RNASEH2A: variants seen among roughly 807,000 people sequenced by gnomAD.
RNASEH2A encodes the protein RNase H(35).
In RNASEH2A, 30 loss-of-function variants were observed where a neutral mutation model predicts 32.7. That is an observed-to-expected ratio of 0.92 (90% CI 0.69 to 1.25). The LOEUF (loss-of-function observed/expected upper bound fraction) is 1.25, where lower values mean the gene tolerates loss of function less well. Ranked by LOEUF, RNASEH2A falls within the 50% of genes most tolerant of loss-of-function variation. RNASEH2A has a pLI of 0.00. For missense variants in RNASEH2A, 409 were observed against 398.1 expected, an observed-to-expected ratio of 1.03 and a Z score of -0.23; for synonymous variants, 147 against 165.4, an observed-to-expected ratio of 0.89 and a Z score of 0.86.
intron 5 of RNASEH2A, 46 bp downstream of exon 5, chr19:12,810,254 T>C: frequency 1.2e-6 from 2 of 1,614,126 alleles, no homozygotes; most frequent in Non-Finnish European, 1.7e-6. Flanking sequence ...TCCCACTATA[T>C]AGGGGCCAGG....
At position 12,806,798 on chromosome 19, in the gene RNASEH2A, T is replaced by C. The variant is rs1482633002; in HGVS notation, c.125T>C (p.Leu42Pro). The C allele has an allele frequency of 6.3e-7, 1 of 1,580,798 alleles. No individual in the cohort carries two copies. Among genetic ancestry groups the C allele is most frequent in the Non-Finnish European group, 8.6e-7 (1 of 1,163,698 alleles). ...GATGAGGCGGGCAGGGGCCCCGTGC[T>C]GGGTGCGCCCCTAGGGCCAGGGAGG... Reference protein sequence around the residue: ...GVDEAGRGPVLGPMVYAICYC... With the variant: ...GVDEAGRGPVPGPMVYAICYC... The change falls in exon 1 of 8, where the codon CTG becomes CCG. Residue 42 changes from leucine (L) to proline (P), a missense_variant and splice_region_variant. By Grantham distance (98) the Leu-to-Pro change is moderately conservative. Coordinates refer to ENST00000221486, the MANE Select transcript of RNASEH2A (RefSeq NM_006397.3).
chr19:12,807,618 T>A (rs145214415), intron 4 of RNASEH2A, 112 bp downstream of exon 4: 31 of 950,748 alleles, frequency 3.3e-5, no homozygotes, highest in Middle Eastern at 2.9e-4. Context: ...CCATCCTGGG[T>A]GACAAAGGAA....
chr19:12,807,092 TG>T lies in RNASEH2A; in HGVS notation c.199+14del. ...CTGAAAGTGGCAGGTGAGCCCGAGGTGTGCGTCTGGGGAAGGGATTCCTGGG... is the reference window on the plus strand; with the variant it reads ...CTGAAAGTGGCAGGTGAGCCCGAGGTTGCGTCTGGGGAAGGGATTCCTGGG... On this transcript the variant is annotated intron_variant, in intron 2 of 7. Coordinates refer to ENST00000221486, the MANE Select transcript of RNASEH2A (RefSeq NM_006397.3). The T allele has an allele frequency of 4.3e-6, 7 of 1,613,008 alleles. No individual in the cohort carries two copies. The highest frequency in any genetic ancestry group is 5.9e-6 in the Non-Finnish European group (7 of 1,179,714).
Position 12,807,342 on chromosome 19 carries a change from C to T in RNASEH2A, c.323+13C>T, listed in dbSNP as rs748345143. On this transcript the variant is annotated intron_variant, in intron 3 of 7. Transcript: ENST00000221486. ...GCATGCTTGGGCGGTGAGGGGTCCCCGGGAGGGGCAGCCAGCATGGGCTGA... is the reference window on the plus strand; with the variant it reads ...GCATGCTTGGGCGGTGAGGGGTCCCTGGGAGGGGCAGCCAGCATGGGCTGA... The T allele has an allele frequency of 5.0e-6, 8 of 1,614,116 alleles. No individual in the cohort carries two copies. Among genetic ancestry groups the T allele is most frequent in the African/African-American group, 1.3e-5 (1 of 75,036 alleles).
chr19:12,813,025 AGGGAGCTTGAATGTTAT>A (rs1211746805), intron 6 of RNASEH2A, 41 bp from the exon 7 acceptor site: 3 of 1,608,472 alleles, frequency 1.9e-6, no homozygotes, highest in African/African-American at 2.7e-5. Flanking sequence ...AAAGAGTGGC[AGGGAGCTTGAATGTTAT>A]GGTGCAACTT....
chr19:12,808,209 G>A (rs574591798), intron 4 of RNASEH2A, among the ~76,000 whole-genome samples: 32 of 152,058 alleles, frequency 2.1e-4, no homozygotes, highest in African/African-American at 6.3e-4. Flanking sequence ...GTGAGATCGC[G>A]CCATTGCACT....
At chr19:12,807,648 G>A (rs1206205809) in intron 4 of RNASEH2A, 142 bp downstream of exon 4, 3 of 785,148 alleles carry the variant, frequency 3.8e-6, no homozygotes, top group Admixed American at 2.0e-5. Context: ...CTCAAAAATG[G>A]AGGCAGGGCG....
chr19:12,812,716 C>T (rs1035600826), intron 6 of RNASEH2A, among the ~76,000 whole-genome samples: 4 of 151,130 alleles, frequency 2.6e-5, no homozygotes, highest in South Asian at 2.1e-4. Flanking sequence ...CTTAGAAGAG[C>T]GGCAAGGAGG....
rs754428850 is a variant in RNASEH2A, at chr19:12,806,793, C to T, written c.120C>T (p.Pro40=). 4.4e-6 allele frequency: 7 copies of T among 1,578,548 alleles called. No individual in the cohort carries two copies. Among genetic ancestry groups the T allele is most frequent in the Non-Finnish European group, 5.2e-6 (6 of 1,162,510 alleles). Residue 40 remains proline, a synonymous_variant, in exon 1 of 8, where the codon CCC becomes CCT. Transcript: ENST00000221486. ...VLGVDEAGRG[P]VLGPMVYAIC... is the part of the protein sequence containing the mutation. ...GCGTCGATGAGGCGGGCAGGGGCCCCGTGCTGGGTGCGCCCCTAGGGCCAG... is the reference window on the plus strand; with the variant it reads ...GCGTCGATGAGGCGGGCAGGGGCCCTGTGCTGGGTGCGCCCCTAGGGCCAG...
At chr19:12,808,908 C>T (rs1397849437) in intron 4 of RNASEH2A, among the ~76,000 whole-genome samples, 5 of 150,982 alleles carry the variant, frequency 3.3e-5, no homozygotes, top group South Asian at 4.2e-4. Flanking sequence ...GGCAACATAG[C>T]GAGACTCCAT....
intron 4 of RNASEH2A, among the ~76,000 whole-genome samples, chr19:12,809,099 G>A (rs1969036564): frequency 6.6e-6 from 1 of 152,110 alleles, no homozygotes; most frequent in Non-Finnish European, 1.5e-5. Flanking sequence ...TGGAGGTTGG[G>A]CGCAGTAGCT....
At position 12,808,017 on chromosome 19, in the gene RNASEH2A, GAGGC is replaced by G. The variant is rs556307295; in HGVS notation, c.411+518_411+521del. 2.6e-3 allele frequency: 530 copies of G among 200,012 alleles called. 6 individuals carry two copies. The highest frequency in any genetic ancestry group is 0.011 in the African/African-American group (481 of 42,514). 12.4% of individuals were successfully genotyped at this position (200,012 alleles called of 1,614,324 possible). ...TGTAATCCCAGCGTTTCAGGAGGCT[GAGGC>G]AGGCAGATCACCTGAGGTCAGGAGT... On this transcript the variant is annotated intron_variant, in intron 4 of 7. Transcript: ENST00000221486.
In RNASEH2A at chr19:12,806,658, T is replaced by C. The variant is rs1046220; in HGVS notation, c.-16T>C. 0.042 allele frequency: 65,781 copies of C among 1,572,620 alleles called. 1,663 individuals carry two copies. The highest frequency in any genetic ancestry group is 0.049 in the Non-Finnish European group (56,972 of 1,158,958). On this transcript the variant is annotated 5_prime_UTR_variant, in exon 1 of 8. Transcript: ENST00000221486. ...CAGTATTAGTTCTTGCAGCTGGTGGTGGCGGCTGAGGCGGCATGGATCTCA... is the reference window on the plus strand; with the variant it reads ...CAGTATTAGTTCTTGCAGCTGGTGGCGGCGGCTGAGGCGGCATGGATCTCA...
Position 12,813,313 on chromosome 19 carries a change from A to G in RNASEH2A, c.762-15A>G, listed in dbSNP as rs1440526424. 1 of 1,613,944 alleles carries G rather than the reference A, an allele frequency of 6.2e-7. No homozygotes were observed. Among genetic ancestry groups the G allele is most frequent in the Non-Finnish European group, 8.5e-7 (1 of 1,179,984 alleles). ...CCCTGTGTAAGTGGTCACTGTCATC[A>G]CCTCTCTCCCACAGGGAGGACTCAG... On this transcript the variant is annotated splice_polypyrimidine_tract_variant and intron_variant, in intron 7 of 7. Transcript: ENST00000221486.
chr19:12,807,671 C>T, intron 4 of RNASEH2A, 165 bp downstream of exon 4: 1 of 695,032 alleles, frequency 1.4e-6, no homozygotes, highest in Non-Finnish European at 2.6e-6. Context: ...GTGGCTCACG[C>T]CTATAATCGC....
At position 12,813,611 on chromosome 19, in the gene RNASEH2A, C is replaced by A; in HGVS notation, c.*145C>A. ...CGGGTCCAGCTACTTCCTTTTGGAA[C>A]CTTAAATAGAATGGGTGTTGGTTGA... On this transcript the variant is annotated 3_prime_UTR_variant, in exon 8 of 8. Coordinates refer to ENST00000221486, the MANE Select transcript of RNASEH2A (RefSeq NM_006397.3). 2.2e-6 allele frequency: 2 copies of A among 889,694 alleles called. No homozygotes were observed. Among genetic ancestry groups the A allele is most frequent in the South Asian group, 1.4e-5 (1 of 72,782 alleles). The allele number at this position is 889,694 out of a possible 1,614,324, so 55.1% of individuals were successfully genotyped here.
chr19:12,808,804 T>C (rs1204172047), intron 4 of RNASEH2A, among the ~76,000 whole-genome samples: 2 of 152,168 alleles, frequency 1.3e-5, no homozygotes, highest in African/African-American at 2.4e-5. Flanking sequence ...GTAGGAATTG[T>C]ATGCTGGGTA....
intron 4 of RNASEH2A, among the ~76,000 whole-genome samples, chr19:12,809,628 A>AC (rs1969044422): frequency 6.6e-6 from 1 of 152,108 alleles, no homozygotes; most frequent in African/African-American, 2.4e-5. Flanking sequence ...GCTTGTGCTA[A>AC]CGCACTCTAC....
At chr19:12,812,777 G>A (rs565026369) in intron 6 of RNASEH2A, among the ~76,000 whole-genome samples, 3 of 151,986 alleles carry the variant, frequency 2.0e-5, no homozygotes, top group Non-Finnish European at 2.9e-5. Context: ...GAGGCCGAGG[G>A]GGGTAGATCA....
Sources: gnomAD v4.1 joint callset for allele counts (sites outside exome capture counted in the v4.1 genomes callset) on GRCh38, gnomAD v4.1.1 for gene constraint, MANE v1.5 for transcripts, NCBI Gene and HGNC (gene_info 2026-07-23, HGNC 2026-07-21) for gene names.